Variants in DPP10 observed in about 807,000 individuals in gnomAD.
The protein encoded by DPP10 is dipeptidyl peptidase like 10, also known as inactive dipeptidyl peptidase 10.
In DPP10, 33 loss-of-function variants were observed where a neutral mutation model predicts 120.9. The ratio of observed to expected loss-of-function variants is 0.27; its 90% CI spans 0.21 to 0.37. DPP10 has a LOEUF of 0.37. Among genes scored for constraint, DPP10 ranks in the 10% least tolerant of loss-of-function variants. The pLI is 1.00. For synonymous variants in DPP10, 337 were observed against 326.1 expected, an observed-to-expected ratio of 1.03 and a Z score of -0.36; for missense variants, 816 against 942.8, an observed-to-expected ratio of 0.87 and a Z score of 1.76.
chr2:115,590,559 G>A (rs1203566774), intron 5 of DPP10, among the ~76,000 whole-genome samples: 1 of 152,138 alleles, frequency 6.6e-6, no homozygotes. Context: ...TCTTAATCCA[G>A]TCTATCATTG....
At chr2:114,985,317 C>A (rs1487437862) in intron 1 of DPP10, among the ~76,000 whole-genome samples, 2 of 152,098 alleles carry the variant, frequency 1.3e-5, no homozygotes, top group African/African-American at 4.8e-5. Flanking sequence ...TTTAGAGAAA[C>A]CTTGCTGATC....
At chr2:115,212,724 A>T (rs1277073705) in intron 1 of DPP10, among the ~76,000 whole-genome samples, 3 of 152,186 alleles carry the variant, frequency 2.0e-5, no homozygotes, top group African/African-American at 7.2e-5. Flanking sequence ...ATAAAATATT[A>T]CCTTGACATA....
At chr2:115,623,043 C>T (rs2085087108) in intron 5 of DPP10, among the ~76,000 whole-genome samples, 1 of 151,970 alleles carries the variant, frequency 6.6e-6, no homozygotes, top group Admixed American at 6.6e-5. Context: ...GACGGGCTTT[C>T]ACCGTGTTAG....
At chr2:115,075,988 A>C (rs1266918832) in intron 1 of DPP10, among the ~76,000 whole-genome samples, 1 of 152,110 alleles carries the variant, frequency 6.6e-6, no homozygotes, top group African/African-American at 2.4e-5. Flanking sequence ...CAGAATCGAA[A>C]GACGTGGGTT....
At chr2:114,857,324 A>G (rs1331166184) in intron 1 of DPP10, among the ~76,000 whole-genome samples, 2 of 152,230 alleles carry the variant, frequency 1.3e-5, no homozygotes, top group Non-Finnish European at 2.9e-5. Flanking sequence ...CTGAAGGAGA[A>G]TATGTTTGCA....
At chr2:115,096,733 C>A (rs536613157) in intron 1 of DPP10, among the ~76,000 whole-genome samples, 103 of 152,204 alleles carry the variant, frequency 6.8e-4, no homozygotes, top group African/African-American at 2.4e-3. Flanking sequence ...ATATGTTGAA[C>A]CTTCCTAAGT....
chr2:115,396,824 A>T (rs1283562777), intron 3 of DPP10, among the ~76,000 whole-genome samples: 1 of 152,112 alleles, frequency 6.6e-6, no homozygotes, highest in Non-Finnish European at 1.5e-5. Context: ...TAGCCATTGC[A>T]CTCATATATC....
At chr2:115,700,468 C>T (rs1002280369) in intron 7 of DPP10, among the ~76,000 whole-genome samples, 22 of 151,882 alleles carry the variant, frequency 1.4e-4, no homozygotes, top group Non-Finnish European at 2.1e-4. Flanking sequence ...GCAAAATGAA[C>T]GGTGATCATT....
chr2:115,396,120 C>T (rs1409601657), intron 3 of DPP10, among the ~76,000 whole-genome samples: 1 of 152,160 alleles, frequency 6.6e-6, no homozygotes, highest in Non-Finnish European at 1.5e-5. Flanking sequence ...TTTAAGATCA[C>T]ATTCCAGGCA....
rs529707561 is a variant in DPP10 at position 115,276,918 on chromosome 2, G to A, written c.61-32321G>A. Among the ~76,000 whole-genome samples the A allele has an allele frequency of 2.1e-4, 32 of 152,176 alleles. 1 individual carries two copies. The highest frequency in any genetic ancestry group is 7.2e-4 in the African/African-American group (30 of 41,534). ...ATTGACCTATGCCCCTTTGTGTCTA[G>A]GTTGATCCAGAAGATACTTCAGCAT... On this transcript the variant is annotated intron_variant, in intron 1 of 25. Transcript: ENST00000410059.
chr2:115,165,368 A>C (rs894910441), intron 1 of DPP10, among the ~76,000 whole-genome samples: 2 of 152,242 alleles, frequency 1.3e-5, no homozygotes, highest in Non-Finnish European at 2.9e-5. Flanking sequence ...ACTTCTATAC[A>C]ATCATGATAC....
At chr2:115,117,165 T>A (rs1007311287) in intron 1 of DPP10, among the ~76,000 whole-genome samples, 5 of 152,214 alleles carry the variant, frequency 3.3e-5, no homozygotes, top group Non-Finnish European at 5.9e-5. Flanking sequence ...TAGTATCTGG[T>A]GATTGCTTGC....
At chr2:115,238,927 G>C (rs1323861831) in intron 1 of DPP10, among the ~76,000 whole-genome samples, 2 of 152,106 alleles carry the variant, frequency 1.3e-5, no homozygotes, top group Non-Finnish European at 2.9e-5. Flanking sequence ...GAGCAAGGAA[G>C]CCAGTCCAAG....
chr2:115,010,007 A>G (rs951629858), intron 1 of DPP10, among the ~76,000 whole-genome samples: 2 of 152,228 alleles, frequency 1.3e-5, no homozygotes, highest in Non-Finnish European at 2.9e-5. Flanking sequence ...TTTTGTTAAA[A>G]TAAAACATAA....
chr2:115,494,834 G>C (rs2076309537), intron 3 of DPP10, among the ~76,000 whole-genome samples: 1 of 152,054 alleles, frequency 6.6e-6, no homozygotes, highest in South Asian at 2.1e-4. Flanking sequence ...TGATTTGCCA[G>C]AGTTTTTTCT....
intron 1 of DPP10, among the ~76,000 whole-genome samples, chr2:114,642,253 C>T (rs1695763941): frequency 2.0e-5 from 3 of 151,896 alleles, no homozygotes. Flanking sequence ...TGTCATTATA[C>T]AGTCATGAAA....
intron 1 of DPP10, among the ~76,000 whole-genome samples, chr2:115,089,706 A>G (rs1709080325): frequency 6.6e-6 from 1 of 152,210 alleles, no homozygotes; most frequent in Non-Finnish European, 1.5e-5. Context: ...ATAGTTTTGG[A>G]AAAGTGCCCG....
chr2:115,815,861 T>C, intron 21 of DPP10, 132 bp downstream of exon 21: 1 of 903,398 alleles, frequency 1.1e-6, no homozygotes, highest in Non-Finnish European at 1.7e-6. Flanking sequence ...CTTATTAACA[T>C]GGAAAACCTC....
At chr2:114,919,105 A>G (rs1695017928) in intron 1 of DPP10, among the ~76,000 whole-genome samples, 1 of 151,720 alleles carries the variant, frequency 6.6e-6, no homozygotes, top group Admixed American at 6.6e-5. Flanking sequence ...AAAGGAGTCA[A>G]TGATCACTCC....
Sources: gnomAD v4.1 joint callset for allele counts (sites outside exome capture counted in the v4.1 genomes callset) on GRCh38, gnomAD v4.1.1 for gene constraint, MANE v1.5 for transcripts, NCBI Gene and HGNC (gene_info 2026-07-23, HGNC 2026-07-21) for gene names.